KCNH7: variants seen among roughly 807,000 people sequenced by gnomAD.
KCNH7 encodes potassium voltage-gated channel subfamily H member 7.
A neutral mutation model predicts 120.8 loss-of-function variants in KCNH7; 49 were observed. That is an observed-to-expected ratio of 0.41 (90% CI 0.32 to 0.51). The LOEUF (loss-of-function observed/expected upper bound fraction) is 0.51. Ranked by LOEUF, KCNH7 falls within the 20% of genes least tolerant of loss-of-function variation. KCNH7 has a pLI of 0.38. For synonymous variants in KCNH7, 547 were observed against 516.1 expected (o/e 1.06, Z -0.81); for missense variants, 1,097 against 1,446.6 (o/e 0.76, Z 3.92).
chr2:162,592,824 A>G (rs545917423), intron 2 of KCNH7, among the ~76,000 whole-genome samples: 134 of 152,104 alleles, frequency 8.8e-4, no homozygotes, highest in South Asian at 1.9e-3. Flanking sequence ...TTACAAATAG[A>G]AATGTGTATT....
intron 2 of KCNH7, among the ~76,000 whole-genome samples, chr2:162,581,759 C>G (rs986281063): frequency 6.6e-6 from 1 of 151,862 alleles, no homozygotes; most frequent in Non-Finnish European, 1.5e-5. Context: ...TATCAAATGC[C>G]AGGAGTAAAA....
chr2:162,729,078 T>A (rs1340610346), intron 2 of KCNH7, among the ~76,000 whole-genome samples: 3 of 152,100 alleles, frequency 2.0e-5, no homozygotes, highest in Admixed American at 1.3e-4. Flanking sequence ...TTACATTACC[T>A]TGGCCCATAT....
At chr2:162,818,359 G>T (rs951714872) in intron 2 of KCNH7, among the ~76,000 whole-genome samples, 20 of 151,938 alleles carry the variant, frequency 1.3e-4, no homozygotes, top group Non-Finnish European at 2.4e-4. Flanking sequence ...TTGTTGAAAA[G>T]ACTTACTTTG....
Position 162,400,420 on chromosome 2 carries a change from A to C in KCNH7, c.2176T>G (p.Cys726Gly). ...MNMVLKGFPE[C>G]LQADICLHLN... ...TGTAGACAAATGTCTGCTTGTAAGCATTCTGGGAAACCCTTTAGGACCTGA... is the reference window on the plus strand; with the variant it reads ...TGTAGACAAATGTCTGCTTGTAAGCCTTCTGGGAAACCCTTTAGGACCTGA... Residue 726 changes from cysteine to glycine, a missense_variant, in exon 10 of 16, where the codon TGC (cysteine) becomes GGC (glycine). By Grantham distance (159) the Cys-to-Gly change is radical (BLOSUM62 -3). This residue lies in a region of KCNH7 where 101 missense variants were observed against 176.3 expected (regional missense o/e 0.57). Coordinates refer to ENST00000332142, the MANE Select transcript of KCNH7 (RefSeq NM_033272.4). The C allele has an allele frequency of 6.2e-7, 1 of 1,611,988 alleles. No individual in the cohort carries two copies. The highest frequency in any genetic ancestry group is 8.5e-7 in the Non-Finnish European group (1 of 1,178,642).
At position 162,628,698 on chromosome 2, in the gene KCNH7, T is replaced by A. The variant is rs548484666; in HGVS notation, c.308-91618A>T. 2.7e-5 allele frequency among the ~76,000 whole-genome samples: 4 copies of A among 146,752 alleles called. No homozygotes were observed. The South Asian group carries it at 8.4e-4, about 31-fold the overall frequency. ...TATACGTAAGAACATGCAGTATTTG[T>A]TTTTTTTGTTGTTGTTGCTGTGTCA... On this transcript the variant is annotated intron_variant, in intron 2 of 15. Transcript: ENST00000332142.
At chr2:162,764,279 G>A (rs1487212045) in intron 2 of KCNH7, among the ~76,000 whole-genome samples, 3 of 151,984 alleles carry the variant, frequency 2.0e-5, no homozygotes, top group African/African-American at 7.2e-5. Context: ...AAGCCATCAT[G>A]CTTTGATTTT....
chr2:162,796,702 A>G (rs530733560), intron 2 of KCNH7: 6 of 152,096 alleles, frequency 3.9e-5, no homozygotes, highest in Non-Finnish European at 7.4e-5. Flanking sequence ...TATGTTTAAC[A>G]TGGTGCAAAT....
intron 9 of KCNH7, among the ~76,000 whole-genome samples, chr2:162,421,004 T>C (rs1196967875): frequency 6.6e-6 from 1 of 152,182 alleles, no homozygotes; most frequent in Non-Finnish European, 1.5e-5. Flanking sequence ...TCAACTTTGT[T>C]TCATAAGTAG....
At chr2:162,534,922 T>C (rs987259796) in intron 3 of KCNH7, among the ~76,000 whole-genome samples, 1 of 151,776 alleles carries the variant, frequency 6.6e-6, no homozygotes, top group Non-Finnish European at 1.5e-5. Flanking sequence ...CAAATGTGTC[T>C]TCTTCCAAGG....
intron 12 of KCNH7, among the ~76,000 whole-genome samples, chr2:162,386,593 T>A (rs1214807794): frequency 2.0e-5 from 3 of 151,794 alleles, no homozygotes; most frequent in Admixed American, 1.3e-4. Context: ...GGCCTCCTAT[T>A]TTCTCGAAAA....
chr2:162,543,059 T>G (rs2105840581), intron 2 of KCNH7, among the ~76,000 whole-genome samples: 2 of 152,206 alleles, frequency 1.3e-5, no homozygotes, highest in East Asian at 3.9e-4. Context: ...GCTTGTGGCC[T>G]TCAGTAGAAT....
At chr2:162,398,112 G>T (rs1394670267) in intron 10 of KCNH7, among the ~76,000 whole-genome samples, 1 of 151,748 alleles carries the variant, frequency 6.6e-6, no homozygotes, top group East Asian at 1.9e-4. Flanking sequence ...TATATTACTT[G>T]ATTATGTAAC....
At chr2:162,442,690 T>C (rs1688461490) in intron 7 of KCNH7, among the ~76,000 whole-genome samples, 1 of 151,908 alleles carries the variant, frequency 6.6e-6, no homozygotes, top group African/African-American at 2.4e-5. Flanking sequence ...AAACTCTCTC[T>C]GCAAAAAAAT....
At chr2:162,477,692 C>G (rs1363588413) in intron 6 of KCNH7, among the ~76,000 whole-genome samples, 1 of 152,164 alleles carries the variant, frequency 6.6e-6, no homozygotes, top group African/African-American at 2.4e-5. Flanking sequence ...GGATGAAATA[C>G]TATTCCCCTC....
At chr2:162,462,537 AAGAG>A (rs10589133) in intron 6 of KCNH7, among the ~76,000 whole-genome samples, 29,714 of 147,506 alleles carry the variant, frequency 0.2, 5,335 homozygotes, top group African/African-American at 0.48. Flanking sequence ...GAGAGAGAGC[AAGAG>A]AGAGAGAGAG....
At chr2:162,454,750 G>A (rs1000967506) in intron 6 of KCNH7, among the ~76,000 whole-genome samples, 4 of 151,940 alleles carry the variant, frequency 2.6e-5, no homozygotes, top group African/African-American at 9.7e-5. Flanking sequence ...TGTATTGTTG[G>A]TGTACAGGAA....
intron 6 of KCNH7, among the ~76,000 whole-genome samples, chr2:162,458,875 A>G (rs1177726327): frequency 6.6e-6 from 1 of 151,862 alleles, no homozygotes; most frequent in African/African-American, 2.4e-5. Context: ...GCGTGATGGC[A>G]TGTGCCTGTG....
Position 162,695,315 on chromosome 2 carries a change from G to T in KCNH7, c.307+141222C>A, listed in dbSNP as rs997198982. Among the ~76,000 whole-genome samples, 5 of 152,162 alleles carry T rather than the reference G, an allele frequency of 3.3e-5. No individual in the cohort carries two copies. The South Asian group carries it at 1.0e-3, about 32-fold the overall frequency. Reference sequence around the variant, plus strand: ...TCTACTCAATAGTAACCAGTTATTGGATTTAGGGAGGGTGGTGATGGTTGC... The same window carrying T: ...TCTACTCAATAGTAACCAGTTATTGTATTTAGGGAGGGTGGTGATGGTTGC... On this transcript the variant is annotated intron_variant, in intron 2 of 15. Coordinates refer to ENST00000332142, the MANE Select transcript of KCNH7 (RefSeq NM_033272.4).
At position 162,785,409 on chromosome 2, in the gene KCNH7, C is replaced by T. The variant is rs560452232; in HGVS notation, c.307+51128G>A. ...ACTTTTCTATTTGTTTCTTTCTATT[C>T]TATCATTATAGTTCTTGCTAAGTAT... On this transcript the variant is annotated intron_variant, in intron 2 of 15. Transcript: ENST00000332142. 3.9e-5 allele frequency among the ~76,000 whole-genome samples: 6 copies of T among 152,246 alleles called. No homozygotes were observed. In the East Asian group the frequency reaches 1.2e-3, roughly 29 times the overall value.
Sources: gnomAD v4.1 joint callset for allele counts (sites outside exome capture counted in the v4.1 genomes callset) on GRCh38, gnomAD v4.1.1 for gene constraint, gnomAD v4.1.1 regional missense constraint, MANE v1.5 for transcripts, NCBI Gene and HGNC (gene_info 2026-07-23, HGNC 2026-07-21) for gene names.